The following SPTBN2 variants were observed in gnomAD, a reference collection of about 807,000 sequenced individuals.
SPTBN2 encodes the protein spectrin beta, non-erythrocytic 2.
A neutral mutation model predicts 284.2 loss-of-function variants in SPTBN2; 107 were observed. That is an observed-to-expected ratio of 0.38 (90% CI 0.32 to 0.44). The LOEUF is 0.44. Among genes scored for constraint, SPTBN2 ranks in the 20% least tolerant of loss-of-function variants. The probability of loss-of-function intolerance (pLI) is 1.00; values close to 1 mark genes in which losing one functional copy is unlikely to be tolerated. For missense variants in SPTBN2, 2,569 were observed against 3,287.1 expected, an observed-to-expected ratio of 0.78 and a Z score of 5.34; for synonymous variants, 1,289 against 1,354.8, an observed-to-expected ratio of 0.95 and a Z score of 1.07.
intron 25 of SPTBN2, 48 bp downstream of exon 25, chr11:66,692,922 T>C (rs1940658538): frequency 6.3e-7 from 1 of 1,598,464 alleles, no homozygotes; most frequent in African/African-American, 1.3e-5. Flanking sequence ...TTCCTGTTCC[T>C]GCAGCCGGCT....
Position 66,715,763 on chromosome 11 carries a change from T to C in SPTBN2, c.309+67A>G. 1 of 1,591,866 alleles carries C rather than the reference T, an allele frequency of 6.3e-7. No individual in the cohort carries two copies. Among genetic ancestry groups the C allele is most frequent in the Non-Finnish European group, 8.5e-7 (1 of 1,169,922 alleles). ...TGCCGTCACTCTCTCTGAGGGCTGTTCTTCCAGCTGGTCCCCTTGGACACT... is the reference window on the plus strand; with the variant it reads ...TGCCGTCACTCTCTCTGAGGGCTGTCCTTCCAGCTGGTCCCCTTGGACACT... On this transcript the variant is annotated intron_variant, in intron 4 of 37. Transcript: ENST00000533211. This position sits in a 1 kb window ranked among gnomAD's most constrained non-coding sequence, Gnocchi z 5.3.
intron 1 of SPTBN2, among the ~76,000 whole-genome samples, chr11:66,736,652 TA>T (rs1015054956): frequency 1.3e-5 from 2 of 152,254 alleles, no homozygotes; most frequent in Non-Finnish European, 2.9e-5. Context: ...CTCATCTGCT[TA>T]AAATAAATTT....
In SPTBN2 at chr11:66,729,070, C is replaced by A. The variant is rs1565164089; in HGVS notation, c.-443G>T. The A allele has an allele frequency of 7.3e-6, 1 of 136,932 alleles. No individual in the cohort carries two copies. The highest frequency in any genetic ancestry group is 2.3e-4 in the East Asian group (1 of 4,426). 8.5% of individuals were successfully genotyped at this position (136,932 alleles called of 1,614,324 possible). On this transcript the variant is annotated 5_prime_UTR_variant, in exon 1 of 38. Transcript: ENST00000533211. ...ACCAGGAGAATTCCGGCCTAGTCAC[C>A]GTCTTGAGGGGGGTGGGGGTGGGGG...
chr11:66,703,768 T>C (rs1941374421), intron 15 of SPTBN2, among the ~76,000 whole-genome samples: 1 of 151,988 alleles, frequency 6.6e-6, no homozygotes, highest in Non-Finnish European at 1.5e-5. Flanking sequence ...TTTTGTTCTA[T>C]GTGATAATGG....
At chr11:66,686,837 C>T (rs1940147891) in intron 36 of SPTBN2, 157 bp downstream of exon 36, 2 of 950,538 alleles carry the variant, frequency 2.1e-6, no homozygotes, top group Non-Finnish European at 1.6e-6. Context: ...CAACCAGAAT[C>T]TCCGCCTCCC....
intron 7 of SPTBN2, 142 bp from the exon 8 acceptor site, chr11:66,713,888 C>A: frequency 1.2e-6 from 1 of 865,844 alleles, no homozygotes; most frequent in South Asian, 1.4e-5. Flanking sequence ...CTGCTGCTCA[C>A]AGCCCCTCCC....
intron 1 of SPTBN2, among the ~76,000 whole-genome samples, chr11:66,734,336 C>T (rs1006431527): frequency 1.3e-5 from 2 of 152,232 alleles, no homozygotes; most frequent in East Asian, 3.9e-4. Flanking sequence ...TTCTGGAAAC[C>T]CTTCAGTGGC....
Position 66,698,729 on chromosome 11 carries a change from C to T in SPTBN2, c.3924G>A (p.Glu1308=), listed in dbSNP as rs773450431. 5.0e-6 allele frequency: 8 copies of T among 1,614,226 alleles called. No homozygotes were observed. In the South Asian group the frequency reaches 7.7e-5, roughly 16 times the overall value. Residue 1308 remains glutamate, a synonymous_variant, in exon 20 of 38, where the codon GAG becomes GAA. Transcript: ENST00000533211. ...MLTAQDVSYD[E]ARNLHTKWQK... is the part of the protein sequence containing the mutation. ...GCCACTTAGTATGCAGGTTGCGGGC[C>T]TCGTCATAGGACACGTCCTGGGCTG...
rs1298209002 is a variant in SPTBN2 at position 66,701,667 on chromosome 11, C to G, written c.2733G>C (p.Val911=). 1.1e-5 allele frequency: 17 copies of G among 1,613,932 alleles called. No individual in the cohort carries two copies. Among genetic ancestry groups the G allele is most frequent in the Admixed American group, 1.7e-5 (1 of 59,982 alleles). ...MNTLAAQITA[V]NDIAEQLLKA... Reference sequence around the variant, plus strand: ...TCAGTAACTGCTCGGCAATGTCATTCACCGCGGTGATTTGTGCTGCAAGGG... The same window carrying G: ...TCAGTAACTGCTCGGCAATGTCATTGACCGCGGTGATTTGTGCTGCAAGGG... Residue 911 remains valine, a synonymous_variant, in exon 16 of 38, where the codon GTG becomes GTC. Transcript: ENST00000533211.
At chr11:66,733,440 T>C (rs964223977), upstream of SPTBN2, among the ~76,000 whole-genome samples, 4 of 152,116 alleles carry the variant, frequency 2.6e-5, no homozygotes, top group Admixed American at 6.6e-5. Context: ...GAAAAAGGGT[T>C]AGTCAAGGAT....
Position 66,687,699 on chromosome 11 carries a change from C to G in SPTBN2, c.6502-52G>C. ...AAGGTTGAGACGGGAGATCCCTAAC[C>G]TGGGTGCCAGGAAGCTCCGTGTCCA... On this transcript the variant is annotated intron_variant, in intron 34 of 37. Coordinates refer to ENST00000533211, the MANE Select transcript of SPTBN2 (RefSeq NM_006946.4). The surrounding 1 kb of genome is among the most constrained non-coding windows in gnomAD (Gnocchi z 5.2). 6.3e-7 allele frequency: 1 copy of G among 1,576,030 alleles called. No homozygotes were observed. Among genetic ancestry groups the G allele is most frequent in the South Asian group, 1.2e-5 (1 of 86,944 alleles).
intron 1 of SPTBN2, chr11:66,728,194 C>T (rs958627745): frequency 1.4e-5 from 2 of 145,284 alleles, no homozygotes; most frequent in African/African-American, 4.9e-5. Flanking sequence ...CGGGCGGGGG[C>T]GCGGCGGGCG....
Position 66,710,700 on chromosome 11 carries a change from G to A in SPTBN2, c.955C>T (p.Gln319Ter), listed in dbSNP as rs765078204. 1 of 1,614,196 alleles carries A rather than the reference G, an allele frequency of 6.2e-7. No individual in the cohort carries two copies. The highest frequency in any genetic ancestry group is 2.2e-5 in the East Asian group (1 of 44,876). The change falls in exon 10 of 38, where the codon CAG becomes TAG. Residue 319 changes from glutamine to a stop codon, truncating the protein, a stop_gained. Coordinates refer to ENST00000533211, the MANE Select transcript of SPTBN2 (RefSeq NM_006946.4). LOFTEE classifies it high-confidence loss of function. This position sits in a 1 kb window ranked among gnomAD's most constrained non-coding sequence, Gnocchi z 4.9. ...GTCACGATCGTTTGCTCGATCCACT[G>A]CAGCAGCTCCGAGGCCAGGGACTCG... ...KYESLASELLQWIEQTIVTLN... is the reference protein window; with the variant it reads ...KYESLASELL
Position 66,686,329 on chromosome 11 carries a change from A to C in SPTBN2, c.6939+69T>G, listed in dbSNP as rs772972544. On this transcript the variant is annotated intron_variant, in intron 37 of 37. Transcript: ENST00000533211. The stretch of plus-strand genomic sequence containing the variant: ...CAGGAAAAAGAGGGAGGACAGGGAA[A>C]GAAGGGGAGTCTGCAGCTGGAAGCT... The C allele has an allele frequency of 1.9e-6, 3 of 1,591,294 alleles. No homozygotes were observed. The African/African-American group carries it at 4.0e-5, about 21-fold the overall frequency.
rs143954952 is a variant in SPTBN2, at chr11:66,722,341, A to G, written c.-113-901T>C. Among the ~76,000 whole-genome samples, 373 of 152,024 alleles carry G rather than the reference A, an allele frequency of 2.5e-3. 5 individuals carry two copies. The highest frequency in any genetic ancestry group is 0.014 in the Admixed American group (214 of 15,268). On this transcript the variant is annotated intron_variant, in intron 1 of 37. Transcript: ENST00000533211. ...TGTAATCCCAGCACTTTGGGAGGCC[A>G]AGGCGGGCGGATCACAAGGTCAGGA... is the stretch of plus-strand genomic sequence containing the variant.
At position 66,729,210 on chromosome 11, in the gene SPTBN2, G is replaced by A. The variant is rs1420754374; in HGVS notation, c.-583C>T. On this transcript the variant is annotated 5_prime_UTR_variant, in exon 1 of 38. Transcript: ENST00000533211. ...ACTGCTGCCTGCTTAGGAGAGGAAGGAATTATGCCCAAATCATGACAAACT... is the reference window on the plus strand; with the variant it reads ...ACTGCTGCCTGCTTAGGAGAGGAAGAAATTATGCCCAAATCATGACAAACT... 1.3e-5 allele frequency: 2 copies of A among 152,222 alleles called. No homozygotes were observed. Among genetic ancestry groups the A allele is most frequent in the African/African-American group, 2.4e-5 (1 of 41,426 alleles). The allele number at this position is 152,222 out of a possible 1,614,324, so 9.4% of individuals were successfully genotyped here.
In SPTBN2 at chr11:66,707,620, G is replaced by A. The variant is rs371919862; in HGVS notation, c.1549C>T (p.Arg517Trp). ...TCCCGCCGGGCGGCCACCATCTGCC[G>A]CAAGAAGTCCCAGAGCCGTGCCACG... The part of the protein sequence containing the change: ...HNVARLWDFL[R>W]QMVAARRERL... The change falls in exon 13 of 38, where the codon CGG becomes TGG. Residue 517 changes from arginine (R) to tryptophan (W), a missense_variant. Around this residue, in one of 6 missense-constraint regions of SPTBN2, gnomAD observed 1,012 missense variants for 1,248.9 expected, o/e 0.81. Coordinates refer to ENST00000533211, the MANE Select transcript of SPTBN2 (RefSeq NM_006946.4). The surrounding 1 kb of genome is among the most constrained non-coding windows in gnomAD (Gnocchi z 4.9). 85 of 1,610,612 alleles carry A rather than the reference G, an allele frequency of 5.3e-5. No individual in the cohort carries two copies. The highest frequency in any genetic ancestry group is 6.4e-5 in the Non-Finnish European group (76 of 1,179,996).
intron 1 of SPTBN2, chr11:66,727,952 T>A (rs1377534160): frequency 2.3e-5 from 2 of 85,260 alleles, no homozygotes; most frequent in South Asian, 3.7e-4. Context: ...TCCCCCCCCC[T>A]CGGCCTTGGC....
intron 1 of SPTBN2, chr11:66,728,450 C>G (rs982534140): frequency 7.3e-5 from 11 of 150,542 alleles, no homozygotes; most frequent in African/African-American, 2.7e-4. Flanking sequence ...GCGGGAGGCC[C>G]GGGACCATCT....
Sources: allele counts gnomAD v4.1 joint callset (sites outside exome capture counted in the v4.1 genomes callset), GRCh38; gene constraint gnomAD v4.1.1; regional missense constraint gnomAD v4.1.1; non-coding constraint Gnocchi (gnomAD v3.1); transcripts MANE v1.5; gene names NCBI Gene and HGNC (gene_info 2026-07-23, HGNC 2026-07-21).